GUCY1A2: variants seen among roughly 807,000 people sequenced by gnomAD.
GUCY1A2 encodes the protein guanylate cyclase 1 soluble subunit alpha 2.
GUCY1A2 carries 27 observed loss-of-function variants against 63.5 expected under a neutral mutation model. The observed-to-expected ratio is 0.43, with a 90% CI of 0.31 to 0.59. The LOEUF (loss-of-function observed/expected upper bound fraction) is 0.59, where lower values mean the gene tolerates loss of function less well. Among genes scored for constraint, GUCY1A2 ranks in the 20% least tolerant of loss-of-function variants. GUCY1A2 has a pLI of 0.11. For synonymous variants in GUCY1A2, 364 were observed against 343.5 expected (o/e 1.06, Z -0.66); for missense variants, 768 against 913.3 (o/e 0.84, Z 2.05).
intron 4 of GUCY1A2, among the ~76,000 whole-genome samples, chr11:106,869,003 G>T (rs1859635649): frequency 6.6e-6 from 1 of 152,142 alleles, no homozygotes; most frequent in South Asian, 2.1e-4. Flanking sequence ...ACAAGAAATG[G>T]GGAAAAGGAT....
intron 6 of GUCY1A2, among the ~76,000 whole-genome samples, chr11:106,726,897 T>A (rs1232259464): frequency 1.3e-5 from 2 of 152,182 alleles, no homozygotes; most frequent in Non-Finnish European, 2.9e-5. Flanking sequence ...TGGTTCTGGA[T>A]GTTCTGGCTG....
intron 4 of GUCY1A2, among the ~76,000 whole-genome samples, chr11:106,892,367 G>A (rs1291357922): frequency 1.3e-5 from 2 of 151,906 alleles, no homozygotes; most frequent in East Asian, 3.9e-4. Flanking sequence ...TATATTTGCG[G>A]TCATCATCCT....
chr11:106,846,707 T>C (rs1322435133), intron 4 of GUCY1A2, among the ~76,000 whole-genome samples: 3 of 151,676 alleles, frequency 2.0e-5, no homozygotes, highest in Non-Finnish European at 3.0e-5. Context: ...CTTCTTATAA[T>C]GTCTTATATC....
intron 4 of GUCY1A2, among the ~76,000 whole-genome samples, chr11:106,870,166 A>G (rs2135463746): frequency 6.6e-6 from 1 of 151,842 alleles, no homozygotes; most frequent in South Asian, 2.1e-4. Flanking sequence ...ATGACGAGTT[A>G]ATGGGTGTTG....
At chr11:106,800,864 G>A (rs2135418724) in intron 5 of GUCY1A2, among the ~76,000 whole-genome samples, 1 of 151,532 alleles carries the variant, frequency 6.6e-6, no homozygotes, top group African/African-American at 2.4e-5. Context: ...TTATGCACAT[G>A]TACCCTAGAA....
chr11:107,011,728 G>T (rs1030922443), intron 1 of GUCY1A2, among the ~76,000 whole-genome samples: 4 of 148,210 alleles, frequency 2.7e-5, no homozygotes, highest in Non-Finnish European at 4.5e-5. Flanking sequence ...ACTTTAAAGT[G>T]AAAGTTCTAC....
intron 1 of GUCY1A2, among the ~76,000 whole-genome samples, chr11:106,994,702 A>C (rs1861513205): frequency 6.6e-6 from 1 of 152,218 alleles, no homozygotes; most frequent in Non-Finnish European, 1.5e-5. Flanking sequence ...AACACCATCA[A>C]GACCAGGTCG....
At chr11:106,872,064 A>T (rs1859686539) in intron 4 of GUCY1A2, among the ~76,000 whole-genome samples, 1 of 152,186 alleles carries the variant, frequency 6.6e-6, no homozygotes, top group African/African-American at 2.4e-5. Flanking sequence ...GTTACACAGG[A>T]TTAAAAAACA....
intron 6 of GUCY1A2, chr11:106,746,563 C>G (rs1471590355): frequency 1.9e-6 from 3 of 1,588,240 alleles, no homozygotes; most frequent in Non-Finnish European, 2.6e-6. Context: ...TTTCAGTACC[C>G]AAATCCGTTT....
At chr11:106,811,156 A>T (rs1312913784) in intron 4 of GUCY1A2, among the ~76,000 whole-genome samples, 2 of 152,140 alleles carry the variant, frequency 1.3e-5, no homozygotes, top group African/African-American at 4.8e-5. Context: ...AATTTGGGTC[A>T]TATGATAAAG....
intron 6 of GUCY1A2, among the ~76,000 whole-genome samples, chr11:106,757,005 T>C (rs1863986918): frequency 6.6e-6 from 1 of 152,220 alleles, no homozygotes; most frequent in South Asian, 2.1e-4. Flanking sequence ...AGATTTGGTC[T>C]TTTCTCATAG....
Position 106,994,605 on chromosome 11 carries a change from C to T in GUCY1A2, c.304-8474G>A, listed in dbSNP as rs566488218. 7.9e-5 allele frequency among the ~76,000 whole-genome samples: 12 copies of T among 152,244 alleles called. No individual in the cohort carries two copies. The South Asian group carries it at 2.5e-3, about 32-fold the overall frequency. ...ATACTCACAACAATCTCACGAGTCT[C>T]AGATTTAATTATCCACATTTCACGA... On this transcript the variant is annotated intron_variant, in intron 1 of 7. Coordinates refer to ENST00000526355, the MANE Select transcript of GUCY1A2 (RefSeq NM_000855.3).
chr11:106,735,534 TTGTC>T (rs1278942892), intron 6 of GUCY1A2, among the ~76,000 whole-genome samples: 5 of 152,180 alleles, frequency 3.3e-5, no homozygotes, highest in African/African-American at 1.2e-4. Flanking sequence ...CCTTATTAAT[TTGTC>T]TGTGGACAGG....
chr11:106,713,431 A>G (rs1180076418), intron 6 of GUCY1A2, among the ~76,000 whole-genome samples: 1 of 151,788 alleles, frequency 6.6e-6, no homozygotes, highest in Non-Finnish European at 1.5e-5. Context: ...ATTCCTCTTA[A>G]ACAAACTAAG....
intron 3 of GUCY1A2, among the ~76,000 whole-genome samples, chr11:106,956,453 T>G (rs1443838793): frequency 6.6e-6 from 1 of 152,076 alleles, no homozygotes; most frequent in African/African-American, 2.4e-5. Flanking sequence ...GGATAGGGTT[T>G]TTTGTGGAGG....
At chr11:106,809,371 A>T (rs1858734305) in intron 5 of GUCY1A2, among the ~76,000 whole-genome samples, 1 of 152,152 alleles carries the variant, frequency 6.6e-6, no homozygotes, top group South Asian at 2.1e-4. Flanking sequence ...TCTTAGTAAG[A>T]AATTAATAAG....
At position 106,810,089 on chromosome 11, in the gene GUCY1A2, G is replaced by A. The variant is rs760612418; in HGVS notation, c.1596C>T (p.Ala532=). 2.5e-6 allele frequency: 4 copies of A among 1,613,626 alleles called. No homozygotes were observed. In the South Asian group the frequency reaches 3.3e-5, roughly 13 times the overall value. Reference sequence around the variant, plus strand: ...GCATGGGAGTACACTGGGCACATATGGCTGTGAAGCCAACAATGTCTGAAA... The same window carrying A: ...GCATGGGAGTACACTGGGCACATATAGCTGTGAAGCCAACAATGTCTGAAA... ...MLFSDIVGFT[A]ICAQCTPMQV... is the part of the protein sequence containing the mutation. Residue 532 remains alanine (A), a synonymous_variant, in exon 5 of 8, where the codon GCC becomes GCT. Coordinates refer to ENST00000526355, the MANE Select transcript of GUCY1A2 (RefSeq NM_000855.3).
intron 1 of GUCY1A2, among the ~76,000 whole-genome samples, chr11:107,007,918 T>C (rs1189551013): frequency 1.4e-5 from 2 of 145,086 alleles, no homozygotes; most frequent in African/African-American, 4.9e-5. Context: ...GGAGATAATA[T>C]AGACACCCTT....
intron 7 of GUCY1A2, among the ~76,000 whole-genome samples, chr11:106,697,687 T>A (rs2135340769): frequency 6.6e-6 from 1 of 152,262 alleles, no homozygotes; most frequent in East Asian, 1.9e-4. Context: ...ATGCTAAACC[T>A]AAAAGTAAGA....
Sources: allele counts gnomAD v4.1 joint callset (sites outside exome capture counted in the v4.1 genomes callset), GRCh38; gene constraint gnomAD v4.1.1; transcripts MANE v1.5; gene names NCBI Gene and HGNC (gene_info 2026-07-23, HGNC 2026-07-21).